The following NDUFV3 variants were observed in gnomAD, a reference collection of about 807,000 sequenced individuals.
NDUFV3 encodes NADH dehydrogenase [ubiquinone] flavoprotein 3, mitochondrial.
NDUFV3 carries 44 observed loss-of-function variants against 37.5 expected under a neutral mutation model. The observed-to-expected ratio is 1.17, with a 90% CI of 0.92 to 1.51. NDUFV3 has a LOEUF of 1.51. Ranked by LOEUF, NDUFV3 falls within the 40% of genes most tolerant of loss-of-function variation. The pLI, the probability that NDUFV3 is intolerant of heterozygous loss-of-function variation, is 0.00. For missense variants in NDUFV3, 580 were observed against 580.4 expected (o/e 1.00, Z 0.01); for synonymous variants, 235 against 239.3 (o/e 0.98, Z 0.17).
chr21:42,906,962 A>AT lies in NDUFV3; in HGVS notation c.1265-1900dup, dbSNP rs541107458. The AT allele has an allele frequency of 1.9e-3, 930 of 487,728 alleles. 6 individuals carry two copies. The highest frequency in any genetic ancestry group is 2.9e-3 in the Non-Finnish European group (712 of 245,476). The allele number at this position is 487,728 out of a possible 1,614,324, so 30.2% of individuals were successfully genotyped here. ...ATGAAAAACAGAGCTTTTGATATTA[A>AT]TTGAAATAGTGAGAAAATAAATGTA... On this transcript the variant is annotated intron_variant, in intron 3 of 3. Coordinates refer to ENST00000354250, the MANE Select transcript of NDUFV3 (RefSeq NM_021075.4).
At chr21:42,897,070 A>G (rs762503958) in intron 2 of NDUFV3, 23 bp downstream of exon 2, 1 of 1,612,878 alleles carries the variant, frequency 6.2e-7, no homozygotes, top group Non-Finnish European at 8.5e-7. Context: ...TGGTAGTCAT[A>G]AGGGAAAGAG....
chr21:42,906,074 G>C (rs2058740574), intron 3 of NDUFV3, among the ~76,000 whole-genome samples: 1 of 151,572 alleles, frequency 6.6e-6, no homozygotes, highest in Non-Finnish European at 1.5e-5. Context: ...ATGTTGGTCA[G>C]GTTGGTCTCG....
In NDUFV3 at chr21:42,909,241, A is replaced by C. The variant is rs2058758107; in HGVS notation, c.*220A>C. 2.1e-6 allele frequency: 1 copy of C among 470,916 alleles called. No individual in the cohort carries two copies. The highest frequency in any genetic ancestry group is 3.8e-6 in the Non-Finnish European group (1 of 260,416). The allele number at this position is 470,916 out of a possible 1,614,324, so 29.2% of individuals were successfully genotyped here. ...ACTGCAACTTCCGCCTCCTGGGTTC[A>C]AGTGATTCTCCCACCTCAGCCTCCC... On this transcript the variant is annotated 3_prime_UTR_variant, in exon 4 of 4. Coordinates refer to ENST00000354250, the MANE Select transcript of NDUFV3 (RefSeq NM_021075.4).
chr21:42,900,553 TA>T (rs2058714020), intron 2 of NDUFV3, among the ~76,000 whole-genome samples: 1 of 152,144 alleles, frequency 6.6e-6, no homozygotes, highest in Non-Finnish European at 1.5e-5. Context: ...ATAATGCTTG[TA>T]AATGGATACG....
chr21:42,904,210 C>G lies in NDUFV3; in HGVS notation c.1198C>G (p.Leu400Val). ...GFHEKTAALK[L>V]EAEGEAMEDA... is the part of the protein sequence containing the mutation. ...CCATGAAAAGACAGCAGCGCTGAAG[C>G]TTGAGGCCGAGGGCGAGGCCATGGA... The change falls in exon 3 of 4, where the codon CTT (leucine) becomes GTT (valine). Residue 400 changes from leucine (L) to valine (V), a missense_variant. Transcript: ENST00000354250. The G allele has an allele frequency of 6.2e-7, 1 of 1,613,910 alleles. No homozygotes were observed. Among genetic ancestry groups the G allele is most frequent in the Non-Finnish European group, 8.5e-7 (1 of 1,179,914 alleles).
chr21:42,909,018 C>T lies in NDUFV3; in HGVS notation c.1419C>T (p.His473=). The T allele has an allele frequency of 1.2e-6, 2 of 1,613,610 alleles. No individual in the cohort carries two copies. The highest frequency in any genetic ancestry group is 1.1e-5 in the South Asian group (1 of 91,082). ...QPSSGRESPR[H] is the part of the protein sequence containing the mutation. ...CCTCAGGCCGGGAGTCACCTCGACA[C>T]TGAGGGCCCTCGGTGTGAAGATGAA... The change falls in exon 4 of 4, where the codon CAC becomes CAT. Residue 473 remains histidine, a synonymous_variant. Transcript: ENST00000354250.
At chr21:42,894,543 A>C (rs1342874811) in intron 1 of NDUFV3, among the ~76,000 whole-genome samples, 1 of 73,950 alleles carries the variant, frequency 1.4e-5, no homozygotes, top group South Asian at 3.4e-4. Flanking sequence ...ATCATAATAT[A>C]ATATATAATA....
At chr21:42,895,718 G>C (rs2058687505) in intron 1 of NDUFV3, among the ~76,000 whole-genome samples, 1 of 151,284 alleles carries the variant, frequency 6.6e-6, no homozygotes, top group South Asian at 2.1e-4. Flanking sequence ...AATAATTGGA[G>C]ACTACAAAAA....
rs2058768847 is a variant in NDUFV3 at position 42,911,080 on chromosome 21, T to G, written c.*2059T>G. On this transcript the variant is annotated 3_prime_UTR_variant, in exon 4 of 4. Transcript: ENST00000354250. ...CAACATGGTGAAACCCTGTGTCTAC[T>G]AAAAATACAAAAATTAGCCAACTGT... 6.6e-6 allele frequency: 1 copy of G among 152,194 alleles called. No individual in the cohort carries two copies. The highest frequency in any genetic ancestry group is 2.4e-5 in the African/African-American group (1 of 41,434). 9.4% of individuals were successfully genotyped at this position (152,194 alleles called of 1,614,324 possible).
chr21:42,894,342 ATTAT>A (rs2058672984), intron 1 of NDUFV3, among the ~76,000 whole-genome samples: 1 of 52,108 alleles, frequency 1.9e-5, no homozygotes, highest in Non-Finnish European at 3.1e-5. Context: ...TATTATATAT[ATTAT>A]ATATAAATAT....
At chr21:42,907,514 A>G (rs1362023872) in intron 3 of NDUFV3, among the ~76,000 whole-genome samples, 1 of 147,278 alleles carries the variant, frequency 6.8e-6, no homozygotes, top group Non-Finnish European at 1.5e-5. Flanking sequence ...GCAGTGATGC[A>G]GTCTCAGGTC....
intron 1 of NDUFV3, among the ~76,000 whole-genome samples, chr21:42,895,782 G>A (rs2058687769): frequency 6.6e-6 from 1 of 152,070 alleles, no homozygotes; most frequent in South Asian, 2.1e-4. Flanking sequence ...TATTAATAGT[G>A]ATTGTCCTTG....
Position 42,903,222 on chromosome 21 carries a change from C to G in NDUFV3, c.210C>G (p.Thr70=), listed in dbSNP as rs773038757. 7 of 1,614,012 alleles carry G rather than the reference C, an allele frequency of 4.3e-6. No homozygotes were observed. The highest frequency in any genetic ancestry group is 5.9e-6 in the Non-Finnish European group (7 of 1,180,034). ...AGGAGAGGGGCAAGCTCCTAGCCAC[C>G]CAGACAGCAGCTGAATTGTCTAAAA... is the stretch of plus-strand genomic sequence containing the variant. The part of the protein sequence containing the change: ...EPKERGKLLA[T]QTAAELSKNL... The change falls in exon 3 of 4, where the codon ACC becomes ACG. Residue 70 remains threonine (T), a synonymous_variant. Transcript: ENST00000354250.
At chr21:42,902,482 T>C (rs2058721439) in intron 2 of NDUFV3, among the ~76,000 whole-genome samples, 1 of 152,210 alleles carries the variant, frequency 6.6e-6, no homozygotes, top group Non-Finnish European at 1.5e-5. Flanking sequence ...CACTAAAAAC[T>C]TGAAGGCCAT....
intron 3 of NDUFV3, among the ~76,000 whole-genome samples, 187 bp from the exon 4 acceptor site, chr21:42,908,675 TCA>T (rs1009888927): frequency 1.3e-5 from 2 of 149,472 alleles, no homozygotes; most frequent in African/African-American, 2.5e-5. Flanking sequence ...AAAGAGCTGT[TCA>T]CAGATAGGGT....
At chr21:42,898,911 A>G (rs1472562000) in intron 2 of NDUFV3, among the ~76,000 whole-genome samples, 1 of 152,236 alleles carries the variant, frequency 6.6e-6, no homozygotes, top group Non-Finnish European at 1.5e-5. Flanking sequence ...TTTGGATTAA[A>G]TGGATTTTAA....
In NDUFV3 at chr21:42,911,179, T is replaced by A. The variant is rs940099352; in HGVS notation, c.*2158T>A. The A allele has an allele frequency of 1.3e-5, 2 of 152,028 alleles. No homozygotes were observed. Among genetic ancestry groups the A allele is most frequent in the African/African-American group, 4.8e-5 (2 of 41,388 alleles). 9.4% of individuals were successfully genotyped at this position (152,028 alleles called of 1,614,324 possible). ...AATCGCTTGAACCCGGGAGGCGGGG[T>A]TTGCAGTAAGCCGAGATCATGCCAT... On this transcript the variant is annotated 3_prime_UTR_variant, in exon 4 of 4. Transcript: ENST00000354250.
chr21:42,903,360 G>A lies in NDUFV3; in HGVS notation c.348G>A (p.Leu116=). The change falls in exon 3 of 4, where the codon TTG becomes TTA. Residue 116 remains leucine, a synonymous_variant. Coordinates refer to ENST00000354250, the MANE Select transcript of NDUFV3 (RefSeq NM_021075.4). ...LFTDEGVPKF[L]SRKTLVEFPQ... ...CAGATGAAGGGGTTCCGAAATTTTT[G>A]TCAAGAAAGACTTTGGTAGAGTTTC... 1 of 1,614,180 alleles carries A rather than the reference G, an allele frequency of 6.2e-7. No homozygotes were observed. Among genetic ancestry groups the A allele is most frequent in the South Asian group, 1.1e-5 (1 of 91,080 alleles).
intron 2 of NDUFV3, 51 bp downstream of exon 2, chr21:42,897,098 G>C (rs959690691): frequency 1.1e-5 from 18 of 1,604,178 alleles, no homozygotes; most frequent in African/African-American, 1.3e-5. Context: ...AAAGAAAATA[G>C]ATTAGTCAGC....
Sources: allele counts gnomAD v4.1 joint callset (sites outside exome capture counted in the v4.1 genomes callset), GRCh38; gene constraint gnomAD v4.1.1; transcripts MANE v1.5; gene names NCBI Gene and HGNC (gene_info 2026-07-23, HGNC 2026-07-21).